Variants in STS observed in about 807,000 individuals in gnomAD.
STS encodes the protein steryl-sulfatase.
STS carries 7 observed loss-of-function variants against 26.8 expected under a neutral mutation model. The observed-to-expected ratio is 0.26, with a 90% confidence interval of 0.15 to 0.49. The LOEUF is 0.49. STS is among the 20% of genes least tolerant of loss of function. The probability of loss-of-function intolerance (pLI) is 0.98; values close to 1 mark genes in which losing one functional copy is unlikely to be tolerated. For synonymous variants in STS, 199 were observed against 189.4 expected (o/e 1.05, Z -0.42); for missense variants, 434 against 465.6 (o/e 0.93, Z 0.63).
chrX:7,299,031 A>G (rs1354700455), intron 7 of STS, among the ~76,000 whole-genome samples: 1 of 43,242 alleles, frequency 2.3e-5, no homozygotes, highest in South Asian at 6.5e-4. Flanking sequence ...AATATATTTT[A>G]TTTATATATT....
intron 6 of STS, among the ~76,000 whole-genome samples, chrX:7,274,651 C>T (rs1484139254): frequency 8.0e-5 from 9 of 111,915 alleles, no homozygotes; most frequent in African/African-American, 2.9e-4. Context: ...GCAAAGGCCA[C>T]GCATTGACAG....
rs1429226738 is a variant in STS at position 7,351,622 on chromosome X, T to G, written c.*1361T>G. 8.9e-6 allele frequency: 1 copy of G among 111,903 alleles called. No homozygotes were observed. The highest frequency in any genetic ancestry group is 3.3e-5 in the African/African-American group (1 of 30,742). The allele number at this position is 111,903 out of a possible 1,213,427, so 9.2% of individuals were successfully genotyped here. ...CCTTTATGGCAAAATCGAGAGAAGC[T>G]GCCATCCACCTGCTTATGCATTTAT... On this transcript the variant is annotated 3_prime_UTR_variant, in exon 11 of 11. Transcript: ENST00000674429.
chrX:7,303,615 C>G (rs1926077851), intron 7 of STS, among the ~76,000 whole-genome samples: 1 of 111,145 alleles, frequency 9.0e-6, no homozygotes, highest in Admixed American at 9.6e-5. Context: ...TGGAGTCAGG[C>G]TCTAATATAC....
At chrX:7,314,577 C>T (rs1207632335) in intron 8 of STS, among the ~76,000 whole-genome samples, 3 of 113,039 alleles carry the variant, frequency 2.7e-5, no homozygotes, top group African/African-American at 9.6e-5. Flanking sequence ...CTGTCTCAGG[C>T]ATTGCCGTAG....
At position 7,175,150 on chromosome X, in the gene STS, C is replaced by T. The variant is rs1310644888; in HGVS notation, c.-133-15730C>T. ...GAATCAGAAAACCTAGATCCAAATT[C>T]TATCTTTTTCACATAGAATCTGAGC... On this transcript the variant is annotated intron_variant, in intron 1 of 10. Coordinates refer to ENST00000674429, the MANE Select transcript of STS (RefSeq NM_001320752.2). Among the ~76,000 whole-genome samples the T allele has an allele frequency of 6.0e-5, 5 of 83,126 alleles. No homozygotes were observed. The Admixed American group carries it at 8.0e-4, about 13-fold the overall frequency. The allele number at this position is 83,126 out of a possible 115,157, so 72.2% of individuals were successfully genotyped here.
intron 6 of STS, among the ~76,000 whole-genome samples, chrX:7,270,594 C>G (rs1924221690): frequency 8.9e-6 from 1 of 112,152 alleles, no homozygotes; most frequent in South Asian, 3.7e-4. Context: ...CTAATCAACT[C>G]TACTCGATGC....
rs867833861 is a variant in STS, at chrX:7,354,126, A to G, written c.*3865A>G. The G allele has an allele frequency of 8.1e-5, 9 of 111,732 alleles. No individual in the cohort carries two copies. The highest frequency in any genetic ancestry group is 4.6e-3 in the Middle Eastern group (1 of 216). 9.2% of individuals were successfully genotyped at this position (111,732 alleles called of 1,213,427 possible). On this transcript the variant is annotated 3_prime_UTR_variant, in exon 11 of 11. Transcript: ENST00000674429. ...CCCCCCATATCTGTTCAACCTCAGT[A>G]TCTGATCAGGCTCCTCAGCCTCCAC...
At chrX:7,182,079 C>CA (rs1328968796) in intron 1 of STS, among the ~76,000 whole-genome samples, 11 of 110,892 alleles carry the variant, frequency 9.9e-5, no homozygotes, top group African/African-American at 3.6e-4. Context: ...CTGTCTCAAA[C>CA]AAAAAAACAA....
intron 2 of STS, among the ~76,000 whole-genome samples, chrX:7,197,541 A>G (rs1193072905): frequency 8.9e-6 from 1 of 112,207 alleles, no homozygotes; most frequent in Non-Finnish European, 1.9e-5. Flanking sequence ...GGATAAAAAA[A>G]GATCATGGGG....
At chrX:7,238,560 G>A (rs1922439717) in intron 2 of STS, among the ~76,000 whole-genome samples, 1 of 111,205 alleles carries the variant, frequency 9.0e-6, no homozygotes, top group Admixed American at 9.6e-5. Flanking sequence ...CAGGAGTGGT[G>A]GCTGACACCT....
At chrX:7,207,938 T>A in intron 2 of STS, among the ~76,000 whole-genome samples, 2 of 111,737 alleles carry the variant, frequency 1.8e-5, no homozygotes, top group Non-Finnish European at 3.8e-5. Context: ...GGAGATGAGA[T>A]GATTGTAGGG....
intron 2 of STS, among the ~76,000 whole-genome samples, chrX:7,248,847 A>G (rs1225398785): frequency 9.0e-6 from 1 of 111,319 alleles, no homozygotes; most frequent in Admixed American, 9.6e-5. Flanking sequence ...CTCTGTATCT[A>G]TTAAATAATT....
intron 8 of STS, among the ~76,000 whole-genome samples, chrX:7,313,287 C>T (rs941422030): frequency 3.6e-5 from 4 of 112,299 alleles, no homozygotes; most frequent in African/African-American, 1.3e-4. Context: ...AGGCACTGCT[C>T]TTCAGGCATT....
intron 2 of STS, among the ~76,000 whole-genome samples, chrX:7,251,760 A>C (rs1195285285): frequency 9.0e-6 from 1 of 111,667 alleles, no homozygotes; most frequent in African/African-American, 3.3e-5. Context: ...GTTCAAGACC[A>C]GTTTGGGTAA....
At chrX:7,326,470 A>C (rs1238316064) in intron 9 of STS, among the ~76,000 whole-genome samples, 1 of 111,386 alleles carries the variant, frequency 9.0e-6, no homozygotes, top group East Asian at 2.8e-4. Context: ...GGGATCCCAC[A>C]CCTTTTCCTT....
rs1236170552 is a variant in STS, at chrX:7,210,408, C to T, written c.-5+19400C>T. ...GCATTTACTTATATATATCTATACA[C>T]ACACACGTATTCATAGAAATATAAA... On this transcript the variant is annotated intron_variant, in intron 2 of 10. Transcript: ENST00000674429. 3.7e-5 allele frequency among the ~76,000 whole-genome samples: 4 copies of T among 108,809 alleles called. No homozygotes were observed. In the East Asian group the frequency reaches 1.1e-3, roughly 31 times the overall value. 94.5% of individuals were successfully genotyped at this position (108,809 alleles called of 115,157 possible).
intron 2 of STS, among the ~76,000 whole-genome samples, chrX:7,243,360 G>C (rs1366942820): frequency 8.9e-6 from 1 of 112,118 alleles, no homozygotes; most frequent in Non-Finnish European, 1.9e-5. Context: ...ACTGCATCTG[G>C]TCGCATTTTG....
intron 2 of STS, among the ~76,000 whole-genome samples, chrX:7,226,951 C>T (rs181978222): frequency 0.018 from 2,059 of 111,737 alleles, 40 homozygotes; most frequent in African/African-American, 0.062. Context: ...TTGATATTTT[C>T]CGTTTTTCGT....
At chrX:7,324,955 G>C (rs1407040063) in intron 8 of STS, among the ~76,000 whole-genome samples, 2 of 111,428 alleles carry the variant, frequency 1.8e-5, no homozygotes, top group Non-Finnish European at 1.9e-5. Flanking sequence ...CCAGGAATTT[G>C]GATGCGGACA....
Sources: gnomAD v4.1 joint callset for allele counts (sites outside exome capture counted in the v4.1 genomes callset) on GRCh38, gnomAD v4.1.1 for gene constraint, MANE v1.5 for transcripts, NCBI Gene and HGNC (gene_info 2026-07-23, HGNC 2026-07-21) for gene names.